The following TPRG1 variants were observed in gnomAD, a reference collection of about 807,000 sequenced individuals.
TPRG1 encodes tumor protein p63 regulated 1.
In TPRG1, 29 loss-of-function variants were observed where a neutral mutation model predicts 29.3. The observed-to-expected ratio is 0.99, with a 90% CI of 0.74 to 1.35. The LOEUF (loss-of-function observed/expected upper bound fraction) is 1.35, where lower values mean the gene tolerates loss of function less well. Among genes scored for constraint, TPRG1 ranks in the 40% most tolerant of loss-of-function variants. The pLI, the probability that TPRG1 is intolerant of heterozygous loss-of-function variation, is 0.00. For synonymous variants in TPRG1, 130 were observed against 116.8 expected, an observed-to-expected ratio of 1.11 and a Z score of -0.73; for missense variants, 327 against 335.0, an observed-to-expected ratio of 0.98 and a Z score of 0.19.
chr3:189,146,066 A>G (rs774855978), intron 3 of TPRG1, among the ~76,000 whole-genome samples: 1 of 152,214 alleles, frequency 6.6e-6, no homozygotes, highest in Admixed American at 6.5e-5. Flanking sequence ...GATAATATTA[A>G]AACCTTTTTC....
In TPRG1 at chr3:189,022,211, T is replaced by C. The variant is rs142538667; in HGVS notation, c.-659-1539T>C. 2.9e-3 allele frequency among the ~76,000 whole-genome samples: 443 copies of C among 152,286 alleles called. 3 individuals are homozygous for C. Among genetic ancestry groups the C allele is most frequent in the African/African-American group, 9.7e-3 (403 of 41,560 alleles). On this transcript the variant is annotated intron_variant, in intron 3 of 10. Coordinates refer to the TPRG1 transcript ENST00000433971. ...CGTAGCTCAGAGTAATTTGATCGTC[T>C]GAAGTCTTCTTCTTTCAGCTCGTCA...
chr3:189,270,293 C>T (rs1211171896), intron 4 of TPRG1, among the ~76,000 whole-genome samples: 3 of 152,040 alleles, frequency 2.0e-5, no homozygotes, highest in Non-Finnish European at 4.4e-5. Flanking sequence ...GATCTCATCC[C>T]GGCATTGAAC....
intron 3 of TPRG1, among the ~76,000 whole-genome samples, chr3:189,237,410 C>T (rs1454981572): frequency 6.6e-6 from 1 of 152,116 alleles, no homozygotes; most frequent in African/African-American, 2.4e-5. Flanking sequence ...TTGGTCAGTG[C>T]CCACATGGTA....
At chr3:189,226,508 C>T (rs550341791) in intron 3 of TPRG1, among the ~76,000 whole-genome samples, 7 of 151,822 alleles carry the variant, frequency 4.6e-5, no homozygotes, top group African/African-American at 1.2e-4. Context: ...ATGTGTGGGA[C>T]GCAGCGAAAA....
At chr3:189,052,820 G>C (rs756950401) in intron 4 of TPRG1, among the ~76,000 whole-genome samples, 5 of 152,130 alleles carry the variant, frequency 3.3e-5, no homozygotes, top group African/African-American at 1.2e-4. Context: ...TATTCTAAGC[G>C]AAGTAACTCA....
rs185213781 is a variant in TPRG1 at position 189,262,645 on chromosome 3, G to A, written c.479+23736G>A. Reference sequence around the variant, plus strand: ...TGAAGGAGAGTTATATGGGGTGTGCGAATTATCAATTGCTATGTTTCAACT... The same window carrying A: ...TGAAGGAGAGTTATATGGGGTGTGCAAATTATCAATTGCTATGTTTCAACT... On this transcript the variant is annotated intron_variant, in intron 4 of 5. Transcript: ENST00000345063. 2.4e-4 allele frequency among the ~76,000 whole-genome samples: 36 copies of A among 152,276 alleles called. No individual in the cohort carries two copies. In the East Asian group the frequency reaches 5.0e-3, roughly 21 times the overall value.
intron 4 of TPRG1, among the ~76,000 whole-genome samples, chr3:189,297,036 A>G (rs1384115200): frequency 6.6e-6 from 1 of 152,062 alleles, no homozygotes; most frequent in Non-Finnish European, 1.5e-5. Flanking sequence ...GCAGAAGTAC[A>G]GTGGTGTCAT....
intron 4 of TPRG1, among the ~76,000 whole-genome samples, chr3:189,084,577 G>A (rs969888660): frequency 3.3e-5 from 5 of 152,128 alleles, no homozygotes; most frequent in African/African-American, 1.2e-4. Context: ...TGCTTAATTA[G>A]GTTAAATATA....
At chr3:189,113,276 G>A (rs1720765499) in intron 1 of TPRG1, among the ~76,000 whole-genome samples, 1 of 152,154 alleles carries the variant, frequency 6.6e-6, no homozygotes, top group African/African-American at 2.4e-5. Flanking sequence ...GAGATTTTGG[G>A]CTGAGACGAT....
chr3:189,301,298 CAAAAAAAAAAAAAA>C (rs10618021), intron 4 of TPRG1, among the ~76,000 whole-genome samples: 1 of 43,602 alleles, frequency 2.3e-5, no homozygotes, highest in Non-Finnish European at 4.2e-5. Flanking sequence ...GACTCCATCT[CAAAAAAAAAAAAAA>C]AAAAAAAAAA....
At chr3:189,195,761 C>T (rs1398827180) in intron 1 of TPRG1, among the ~76,000 whole-genome samples, 9 of 152,102 alleles carry the variant, frequency 5.9e-5, no homozygotes, top group Non-Finnish European at 1.2e-4. Flanking sequence ...TTGCTTTCTT[C>T]CTTGTTGTAG....
At chr3:189,300,182 G>C (rs560729472) in intron 4 of TPRG1, among the ~76,000 whole-genome samples, 9 of 152,288 alleles carry the variant, frequency 5.9e-5, no homozygotes, top group African/African-American at 7.2e-5. Context: ...GGATTATCAG[G>C]GGATATGGAA....
intron 4 of TPRG1, among the ~76,000 whole-genome samples, chr3:189,059,516 C>T (rs1715953956): frequency 6.6e-6 from 1 of 151,754 alleles, no homozygotes; most frequent in Admixed American, 6.6e-5. Context: ...CGCTTGAACC[C>T]AAGAGGTGGA....
At chr3:189,108,262 C>A (rs1378261538) in intron 1 of TPRG1, among the ~76,000 whole-genome samples, 2 of 152,096 alleles carry the variant, frequency 1.3e-5, no homozygotes, top group Non-Finnish European at 2.9e-5. Flanking sequence ...TGTCTGGAAG[C>A]AAGGCAGGCT....
chr3:189,226,384 T>C (rs1737724374), intron 3 of TPRG1, among the ~76,000 whole-genome samples: 1 of 152,078 alleles, frequency 6.6e-6, no homozygotes, highest in African/African-American at 2.4e-5. Flanking sequence ...TAGAAAAATG[T>C]CCAAACACTC....
intron 4 of TPRG1, among the ~76,000 whole-genome samples, chr3:189,069,055 A>G (rs966431031): frequency 6.6e-6 from 1 of 152,252 alleles, no homozygotes; most frequent in African/African-American, 2.4e-5. Context: ...GTATATGAAT[A>G]TTTATAGATG....
chr3:189,151,618 T>C lies in TPRG1; in HGVS notation c.-10+746T>C, dbSNP rs573076584. 2.0e-5 allele frequency among the ~76,000 whole-genome samples: 3 copies of C among 152,262 alleles called. No individual in the cohort carries two copies. The East Asian group carries it at 5.8e-4, about 30-fold the overall frequency. The stretch of plus-strand genomic sequence containing the variant: ...AAACCTGGCCAGGCGTGGTGGCTCA[T>C]GCCTGTAATCCCAGAACTTTGCGAG... On this transcript the variant is annotated intron_variant, in intron 5 of 6. Transcript: ENST00000412373.
chr3:189,209,643 G>A lies in TPRG1; in HGVS notation c.210+2049G>A, dbSNP rs115005286. On this transcript the variant is annotated intron_variant, in intron 2 of 5. Coordinates refer to ENST00000345063, the MANE Select transcript of TPRG1 (RefSeq NM_198485.4). Reference sequence around the variant, plus strand: ...CCTGTCCAAATCATATAATGTTAGTGGAAGGGCTGCAGCTAGATTCCGGGT... The same window carrying A: ...CCTGTCCAAATCATATAATGTTAGTAGAAGGGCTGCAGCTAGATTCCGGGT... Among the ~76,000 whole-genome samples, 150 of 152,236 alleles carry A rather than the reference G, an allele frequency of 9.9e-4. 1 individual carries two copies. Among genetic ancestry groups the A allele is most frequent in the African/African-American group, 3.5e-3 (145 of 41,540 alleles).
Position 189,321,503 on chromosome 3 carries a change from C to T in TPRG1, c.*683C>T, listed in dbSNP as rs951724768. On this transcript the variant is annotated 3_prime_UTR_variant, in exon 6 of 6. Transcript: ENST00000345063. ...TACGGCTTAGCATTGTATTCCGATG[C>T]CCAGATGTCAAACTTGAAGCTCATT... 11 of 151,992 alleles carry T rather than the reference C, an allele frequency of 7.2e-5. No homozygotes were observed. The highest frequency in any genetic ancestry group is 1.2e-4 in the Non-Finnish European group (8 of 67,970). 9.4% of individuals were successfully genotyped at this position (151,992 alleles called of 1,614,324 possible).
Sources: gnomAD v4.1 joint callset for allele counts (sites outside exome capture counted in the v4.1 genomes callset) on GRCh38, gnomAD v4.1.1 for gene constraint, MANE v1.5 for transcripts, NCBI Gene and HGNC (gene_info 2026-07-23, HGNC 2026-07-21) for gene names.